The following INSL6 variants were observed in gnomAD, a reference collection of about 807,000 sequenced individuals.
INSL6 encodes the protein insulin-like peptide INSL6.
In INSL6, 16 loss-of-function variants were observed where a neutral mutation model predicts 9.4. The ratio of observed to expected loss-of-function variants is 1.70; its 90% CI spans 1.15 to 2.59. INSL6 has a LOEUF of 2.59. INSL6 is among the 30% of genes most tolerant of loss of function. INSL6 has a pLI of 0.00. For synonymous variants in INSL6, 154 were observed against 96.9 expected (o/e 1.59, Z -3.46); for missense variants, 391 against 257.3 (o/e 1.52, Z -3.56).
At chr9:5,038,459 A>T in the INSL6 span, among the ~76,000 whole-genome samples, 2 of 152,176 alleles carry the variant, frequency 1.3e-5, no homozygotes, top group Non-Finnish European at 2.9e-5. Flanking sequence ...TCAGACAAAG[A>T]TGTCTAGAAG....
intron 1 of INSL6, among the ~76,000 whole-genome samples, chr9:5,176,781 T>A (rs919991849): frequency 6.6e-6 from 1 of 151,290 alleles, no homozygotes; most frequent in Admixed American, 6.6e-5. Context: ...TTTCAAGTGA[T>A]AAAAAACCTA....
At chr9:5,110,950 G>A in the INSL6 span, 4 of 592,864 alleles carry the variant, frequency 6.7e-6, no homozygotes, top group Non-Finnish European at 9.5e-6. Context: ...CGTGGACACG[G>A]ACAAGGAGCT....
chr9:5,038,876 C>A, the INSL6 span, among the ~76,000 whole-genome samples: 1 of 152,016 alleles, frequency 6.6e-6, no homozygotes, highest in Non-Finnish European at 1.5e-5. Context: ...CAATGTAATA[C>A]ACCACATTAA....
At chr9:5,175,394 G>A (rs992287315) in intron 1 of INSL6, among the ~76,000 whole-genome samples, 8 of 152,088 alleles carry the variant, frequency 5.3e-5, no homozygotes, top group Non-Finnish European at 1.2e-4. Context: ...CCTTTCTACA[G>A]TCTATTCTCA....
the INSL6 span, chr9:5,022,050 G>C: frequency 2.5e-6 from 4 of 1,613,936 alleles, no homozygotes; most frequent in East Asian, 2.2e-5. Flanking sequence ...CTATATATCA[G>C]AATGGTGATA....
At chr9:5,108,832 C>T in the INSL6 span, 2 of 152,136 alleles carry the variant, frequency 1.3e-5, no homozygotes, top group African/African-American at 2.4e-5. Context: ...CTAATCCAAA[C>T]CCCTTGAAGC....
At chr9:5,078,621 C>G in the INSL6 span, among the ~76,000 whole-genome samples, 2 of 151,958 alleles carry the variant, frequency 1.3e-5, no homozygotes, top group African/African-American at 2.4e-5. Context: ...ATTTTTCTTT[C>G]TTATAAGCAT....
At chr9:5,163,724 C>G, downstream of INSL6, 2 of 548,742 alleles carry the variant, frequency 3.6e-6, no homozygotes, top group Admixed American at 6.5e-5. Context: ...CGTATGAAAA[C>G]TAAGGAAAAC....
chr9:5,071,648 G>A, the INSL6 span, among the ~76,000 whole-genome samples: 1 of 152,272 alleles, frequency 6.6e-6, no homozygotes, highest in African/African-American at 2.4e-5. Flanking sequence ...TTATATGAAA[G>A]AGGGATTAAG....
chr9:5,121,467 C>A (rs554165541), downstream of INSL6, among the ~76,000 whole-genome samples: 47 of 152,242 alleles, frequency 3.1e-4, no homozygotes, highest in African/African-American at 1.1e-3. Flanking sequence ...CTTTTCATAT[C>A]TTCATGACAG....
the INSL6 span, among the ~76,000 whole-genome samples, chr9:5,077,764 GA>G: frequency 2.0e-5 from 3 of 151,862 alleles, no homozygotes; most frequent in Non-Finnish European, 4.4e-5. Flanking sequence ...AATCACTTTT[GA>G]AAAAAAAGTT....
the INSL6 span, among the ~76,000 whole-genome samples, chr9:5,082,094 TGA>T: frequency 6.6e-6 from 1 of 151,988 alleles, no homozygotes; most frequent in Non-Finnish European, 1.5e-5. Flanking sequence ...GACCAGAGAC[TGA>T]GAAAAGAAAG....
At chr9:5,155,851 T>C (rs1270433542) in intron 2 of INSL6, among the ~76,000 whole-genome samples, 1 of 151,866 alleles carries the variant, frequency 6.6e-6, no homozygotes, top group Non-Finnish European at 1.5e-5. Flanking sequence ...CAAACCACCA[T>C]GGCACGTGTA....
chr9:4,994,161 T>C, the INSL6 span, among the ~76,000 whole-genome samples: 1 of 152,252 alleles, frequency 6.6e-6, no homozygotes, highest in South Asian at 2.1e-4. Context: ...TTTGGAATCT[T>C]TACTTAGAAG....
intron 2 of INSL6, among the ~76,000 whole-genome samples, chr9:5,141,168 AT>A (rs1188675264): frequency 6.6e-6 from 1 of 150,460 alleles, no homozygotes; most frequent in African/African-American, 2.4e-5. Flanking sequence ...TGCAATGAAC[AT>A]ATGCATGCGT....
chr9:5,062,340 T>C, the INSL6 span, among the ~76,000 whole-genome samples: 2 of 151,920 alleles, frequency 1.3e-5, no homozygotes, highest in East Asian at 1.9e-4. Context: ...TCAAAGGTCA[T>C]TGATCACAAA....
At chr9:5,145,495 G>A (rs1009113143) in intron 2 of INSL6, among the ~76,000 whole-genome samples, 2 of 152,066 alleles carry the variant, frequency 1.3e-5, no homozygotes, top group Non-Finnish European at 2.9e-5. Flanking sequence ...GAATTTGAAC[G>A]TTTGCCTGTC....
At chr9:5,123,502 T>C (rs1416941087), downstream of INSL6, among the ~76,000 whole-genome samples, 1 of 152,070 alleles carries the variant, frequency 6.6e-6, no homozygotes, top group South Asian at 2.1e-4. Context: ...TATGGCTGAA[T>C]AGTATTCCAT....
the INSL6 span, among the ~76,000 whole-genome samples, chr9:5,027,796 CA>C: frequency 2.0e-5 from 3 of 152,178 alleles, no homozygotes; most frequent in Non-Finnish European, 4.4e-5. Flanking sequence ...TTTGCTCATC[CA>C]TAAAAAGCAA....
Sources: allele counts gnomAD v4.1 joint callset (sites outside exome capture counted in the v4.1 genomes callset), GRCh38; gene constraint gnomAD v4.1.1; transcripts MANE v1.5; gene names NCBI Gene and HGNC (gene_info 2026-07-23, HGNC 2026-07-21).